The following RIIAD1 variants were observed in gnomAD, a reference collection of about 807,000 sequenced individuals.
The protein encoded by RIIAD1 is RIIa domain-containing protein 1.
A neutral mutation model predicts 13.3 loss-of-function variants in RIIAD1; 15 were observed. The ratio of observed to expected loss-of-function variants is 1.13; its 90% CI spans 0.76 to 1.74. The LOEUF is 1.74. RIIAD1 is among the 40% of genes most tolerant of loss of function. The pLI, the probability that RIIAD1 is intolerant of heterozygous loss-of-function variation, is 0.00. For synonymous variants in RIIAD1, 50 were observed against 43.3 expected (o/e 1.16, Z -0.61); for missense variants, 121 against 112.2 (o/e 1.08, Z -0.35).
upstream of RIIAD1, among the ~76,000 whole-genome samples, chr1:151,718,183 A>C (rs1673630146): frequency 1.3e-5 from 2 of 152,186 alleles, no homozygotes; most frequent in African/African-American, 4.8e-5. Flanking sequence ...GAAGGGAAAT[A>C]ATAGTAACAG....
chr1:151,719,450 G>A (rs1388999758), upstream of RIIAD1: 1 of 575,878 alleles, frequency 1.7e-6, no homozygotes, highest in Non-Finnish European at 3.1e-6. Flanking sequence ...TTTATAAAGG[G>A]AGAGCTCTGA....
intron 2 of RIIAD1, among the ~76,000 whole-genome samples, chr1:151,726,949 C>T (rs1223281654): frequency 6.6e-6 from 1 of 152,202 alleles, no homozygotes; most frequent in Admixed American, 6.5e-5. Flanking sequence ...CCGGCATGTT[C>T]TTCATCTTTG....
upstream of RIIAD1, among the ~76,000 whole-genome samples, chr1:151,718,335 G>A (rs1275655833): frequency 6.6e-6 from 1 of 152,148 alleles, no homozygotes; most frequent in Non-Finnish European, 1.5e-5. Flanking sequence ...ACACAGAGCT[G>A]AAATAACTTG....
intron 1 of RIIAD1, 119 bp downstream of exon 1, chr1:151,721,739 A>C: frequency 1.8e-6 from 1 of 567,100 alleles, no homozygotes; most frequent in Non-Finnish European, 2.8e-6. Flanking sequence ...TCCCTGATAA[A>C]GTGGGGAGGG....
intron 4 of RIIAD1, chr1:151,714,646 TC>T: frequency 6.4e-7 from 1 of 1,561,516 alleles, no homozygotes; most frequent in East Asian, 2.4e-5. Flanking sequence ...CAGGGCTGAA[TC>T]CCGGGCACAG....
chr1:151,721,554 C>T lies in RIIAD1; in HGVS notation c.18C>T (p.Gly6=), dbSNP rs1018954882. 24 of 1,330,756 alleles carry T rather than the reference C, an allele frequency of 1.8e-5. No homozygotes were observed. Among genetic ancestry groups the T allele is most frequent in the Admixed American group, 1.5e-4 (4 of 26,240 alleles). The allele number at this position is 1,330,756 out of a possible 1,614,324, so 82.4% of individuals were successfully genotyped here. The part of the protein sequence containing the change: METLP[G]LLQRPDPGAL... ...GCAGCAAGATGGAGACGCTGCCAGG[C>T]TTGCTGCAGCGGCCCGACCCCGGGG... is the stretch of plus-strand genomic sequence containing the variant. Residue 6 remains glycine (G), a synonymous_variant, in exon 1 of 5, where the codon GGC becomes GGT. Transcript: ENST00000479191.
chr1:151,720,435 A>G (rs77305874), upstream of RIIAD1, among the ~76,000 whole-genome samples: 13,783 of 152,276 alleles, frequency 0.091, 659 homozygotes, highest in Non-Finnish European at 0.11. Context: ...ACAATCAACC[A>G]AAATGATCAC....
upstream of RIIAD1, chr1:151,719,736 TA>T (rs778140025): frequency 3.0e-6 from 2 of 656,400 alleles, no homozygotes; most frequent in Admixed American, 2.5e-5. Context: ...GAGACGCTGT[TA>T]AAAAAACAAA....
chr1:151,724,803 AT>A lies in RIIAD1; in HGVS notation c.161+2655del, dbSNP rs34697115. Among the ~76,000 whole-genome samples, 200 of 146,330 alleles carry A rather than the reference AT, an allele frequency of 1.4e-3. 1 individual carries two copies. Among genetic ancestry groups the A allele is most frequent in the African/African-American group, 3.7e-3 (146 of 39,694 alleles). The stretch of plus-strand genomic sequence containing the variant: ...AGCCAGGTATGAAATTGTAGAAAGT[AT>A]TTTTTTTTTTTTTGAGACGGAGTCT... On this transcript the variant is annotated intron_variant, in intron 2 of 4. Transcript: ENST00000479191.
intron 4 of RIIAD1, chr1:151,715,728 T>C (rs1673425642): frequency 6.3e-7 from 1 of 1,579,192 alleles, no homozygotes; most frequent in South Asian, 1.1e-5. Flanking sequence ...CTGAGTTCTT[T>C]TTCAGCTCCT....
upstream of RIIAD1, chr1:151,719,604 C>T (rs746205415): frequency 8.5e-6 from 6 of 702,648 alleles, no homozygotes; most frequent in South Asian, 5.9e-5. Context: ...AGAGTGAAGA[C>T]ATCTGCAGCA....
At chr1:151,714,818 C>T (rs1263981086) in intron 4 of RIIAD1, 5 of 656,648 alleles carry the variant, frequency 7.6e-6, no homozygotes, top group Non-Finnish European at 1.3e-5. Flanking sequence ...AGAGGTGTCT[C>T]CAAGGGGTAG....
chr1:151,725,345 C>T (rs1267261496), intron 2 of RIIAD1, among the ~76,000 whole-genome samples: 3 of 151,950 alleles, frequency 2.0e-5, no homozygotes, highest in Non-Finnish European at 4.4e-5. Flanking sequence ...CTCCTGTCCT[C>T]GTGATCTGCC....
At chr1:151,719,223 T>C (rs57530638), upstream of RIIAD1, among the ~76,000 whole-genome samples, 1 of 152,156 alleles carries the variant, frequency 6.6e-6, no homozygotes, top group Non-Finnish European at 1.5e-5. Context: ...TGAGTGACGG[T>C]GAACACATCT....
At chr1:151,712,170 C>A (rs1258669209) in intron 2 of RIIAD1, among the ~76,000 whole-genome samples, 1 of 152,176 alleles carries the variant, frequency 6.6e-6, no homozygotes, top group Non-Finnish European at 1.5e-5. Context: ...ACCTGGCAAC[C>A]AGGCGCAGCA....
chr1:151,723,210 C>A (rs1673770664), intron 2 of RIIAD1, among the ~76,000 whole-genome samples: 1 of 151,996 alleles, frequency 6.6e-6, no homozygotes, highest in East Asian at 1.9e-4. Flanking sequence ...GCCTGACCAA[C>A]ATGGTGAAAC....
At chr1:151,725,142 C>A (rs2101512145) in intron 2 of RIIAD1, among the ~76,000 whole-genome samples, 1 of 128,648 alleles carries the variant, frequency 7.8e-6, no homozygotes. Flanking sequence ...ACGAAGTCTC[C>A]CACTGTCATC....
At chr1:151,716,150 A>AC in intron 4 of RIIAD1, 2 of 895,470 alleles carry the variant, frequency 2.2e-6, no homozygotes, top group South Asian at 3.6e-5. Flanking sequence ...TTGGCCCCCA[A>AC]CCACGCTGCT....
chr1:151,716,922 A>G, upstream of RIIAD1: 1 of 370,400 alleles, frequency 2.7e-6, no homozygotes, highest in Non-Finnish European at 5.8e-6. Flanking sequence ...TCCAGGCACG[A>G]GCCACGCCCT....
Sources: gnomAD v4.1 joint callset for allele counts (sites outside exome capture counted in the v4.1 genomes callset) on GRCh38, gnomAD v4.1.1 for gene constraint, MANE v1.5 for transcripts, NCBI Gene and HGNC (gene_info 2026-07-23, HGNC 2026-07-21) for gene names.